The following TRPS1 variants were observed in gnomAD, a reference collection of about 807,000 sequenced individuals.
TRPS1 encodes zinc finger transcription factor Trps1.
In TRPS1, 6 loss-of-function variants were observed where a neutral mutation model predicts 101.2. The observed-to-expected ratio is 0.06, with a 90% CI of 0.03 to 0.12. TRPS1 has a LOEUF of 0.12. TRPS1 is among the 10% of genes least tolerant of loss of function. The probability of loss-of-function intolerance (pLI) is 1.00; values close to 1 mark genes in which losing one functional copy is unlikely to be tolerated. For synonymous variants in TRPS1, 578 were observed against 589.8 expected (o/e 0.98, Z 0.29); for missense variants, 1,363 against 1,567.0 (o/e 0.87, Z 2.20).
At chr8:115,520,385 T>TC (rs1815829027) in intron 5 of TRPS1, among the ~76,000 whole-genome samples, 1 of 151,784 alleles carries the variant, frequency 6.6e-6, no homozygotes, top group African/African-American at 2.4e-5. Flanking sequence ...TCAGCTCTTC[T>TC]CCCTATAACT....
intron 1 of TRPS1, among the ~76,000 whole-genome samples, chr8:115,634,000 C>A (rs953839039): frequency 2.7e-5 from 4 of 148,992 alleles, no homozygotes; most frequent in African/African-American, 1.0e-4. Context: ...GTACTAGCAA[C>A]TAACCAAAAC....
At chr8:115,457,184 T>C (rs968896515) in intron 5 of TRPS1, among the ~76,000 whole-genome samples, 4 of 152,184 alleles carry the variant, frequency 2.6e-5, no homozygotes, top group Non-Finnish European at 5.9e-5. Context: ...GTGGTTAATT[T>C]AGACTGATTA....
At chr8:115,470,770 A>T (rs995007938) in intron 5 of TRPS1, among the ~76,000 whole-genome samples, 6 of 152,234 alleles carry the variant, frequency 3.9e-5, no homozygotes, top group African/African-American at 1.4e-4. Flanking sequence ...TCAATGATTC[A>T]TATTCTCTAT....
chr8:115,414,857 G>A lies in TRPS1; in HGVS notation c.3051C>T (p.Tyr1017=), dbSNP rs140839419. 59 of 1,613,896 alleles carry A rather than the reference G, an allele frequency of 3.7e-5. No individual in the cohort carries two copies. The African/African-American group carries it at 3.9e-4, about 11-fold the overall frequency. The change falls in exon 7 of 7, where the codon TAC becomes TAT. Residue 1017 remains tyrosine, a synonymous_variant. Coordinates refer to ENST00000395715, the MANE Select transcript of TRPS1 (RefSeq NM_014112.5). This position sits in a 1 kb window ranked among gnomAD's most constrained non-coding sequence, Gnocchi z 4.8. ...REIPLPSLSK[Y]EAQGSLTKSH... ...TTTTAGTCAATGAACCCTGGGCTTC[G>A]TATTTACTTAGGCTGGGGAGTGGAA...
chr8:115,413,807 T>C lies in TRPS1; in HGVS notation c.*216A>G, dbSNP rs1488753425. The C allele has an allele frequency of 3.5e-6, 2 of 567,904 alleles. No individual in the cohort carries two copies. Among genetic ancestry groups the C allele is most frequent in the African/African-American group, 3.8e-5 (2 of 52,912 alleles). The allele number at this position is 567,904 out of a possible 1,614,324, so 35.2% of individuals were successfully genotyped here. A position where few individuals can be genotyped will look rare whatever the true frequency, so the allele number is the denominator to read the frequency against. On this transcript the variant is annotated 3_prime_UTR_variant, in exon 7 of 7. Coordinates refer to ENST00000395715, the MANE Select transcript of TRPS1 (RefSeq NM_014112.5). ...TAACAGGTTTTAAAAAGTGATTGTT[T>C]ACCATCTTCCATTCTTTCTCATTGA...
At chr8:115,475,968 T>C (rs1563758000) in intron 5 of TRPS1, among the ~76,000 whole-genome samples, 1 of 151,920 alleles carries the variant, frequency 6.6e-6, no homozygotes, top group South Asian at 2.1e-4. Flanking sequence ...ATATACAACA[T>C]GCTTTACCAA....
At chr8:115,478,866 T>A (rs1814678448) in intron 5 of TRPS1, among the ~76,000 whole-genome samples, 2 of 147,320 alleles carry the variant, frequency 1.4e-5, no homozygotes, top group Admixed American at 6.9e-5. Context: ...TATGTGTATA[T>A]ATGTGTAGAT....
chr8:115,541,341 A>G (rs1586383226), intron 5 of TRPS1, among the ~76,000 whole-genome samples: 1 of 151,932 alleles, frequency 6.6e-6, no homozygotes, highest in Non-Finnish European at 1.5e-5. Context: ...TTTCAACTCT[A>G]CCCTCCACTC....
intron 5 of TRPS1, among the ~76,000 whole-genome samples, chr8:115,479,046 C>T (rs1233600753): frequency 6.6e-6 from 1 of 151,160 alleles, no homozygotes; most frequent in Admixed American, 6.6e-5. Flanking sequence ...ATACTATGCA[C>T]AAGCCACGAG....
intron 5 of TRPS1, among the ~76,000 whole-genome samples, chr8:115,535,181 C>CAT (rs1816259396): frequency 7.2e-6 from 1 of 139,360 alleles, no homozygotes; most frequent in Non-Finnish European, 1.5e-5. Flanking sequence ...GCATATATAG[C>CAT]ATATGTATAG....
At chr8:115,513,394 C>T (rs772963400) in intron 5 of TRPS1, among the ~76,000 whole-genome samples, 1 of 151,550 alleles carries the variant, frequency 6.6e-6, no homozygotes. Flanking sequence ...CATTTGTGAA[C>T]GTGGTATGGT....
intron 5 of TRPS1, among the ~76,000 whole-genome samples, chr8:115,554,501 T>C (rs1160257629): frequency 6.6e-6 from 1 of 152,162 alleles, no homozygotes; most frequent in East Asian, 1.9e-4. Flanking sequence ...AATAAAATGA[T>C]TGATTCAGGG....
intron 5 of TRPS1, among the ~76,000 whole-genome samples, chr8:115,461,304 G>C (rs199804474): frequency 0.096 from 7,049 of 73,474 alleles, 299 homozygotes; most frequent in African/African-American, 0.36. Context: ...TAGATAGACA[G>C]ATACATACAT....
At chr8:115,528,837 C>A (rs1816062581) in intron 5 of TRPS1, among the ~76,000 whole-genome samples, 1 of 151,854 alleles carries the variant, frequency 6.6e-6, no homozygotes, top group Non-Finnish European at 1.5e-5. Context: ...TTATAAAGGA[C>A]AAATACTAAG....
chr8:115,613,308 G>C (rs1053997322), intron 3 of TRPS1, among the ~76,000 whole-genome samples: 2 of 152,098 alleles, frequency 1.3e-5, no homozygotes, highest in East Asian at 1.9e-4. Context: ...TACTGATTTC[G>C]AATAGAAGCT....
intron 5 of TRPS1, among the ~76,000 whole-genome samples, chr8:115,494,512 T>A (rs1364920348): frequency 1.3e-5 from 2 of 152,214 alleles, no homozygotes; most frequent in African/African-American, 4.8e-5. Context: ...AGAGAAAGAA[T>A]ATTTAAAACA....
intron 1 of TRPS1, among the ~76,000 whole-genome samples, chr8:115,658,994 C>T (rs1192273145): frequency 2.0e-5 from 3 of 151,942 alleles, no homozygotes; most frequent in African/African-American, 7.3e-5. Flanking sequence ...ATAATGAGGG[C>T]ATTCCTTCAA....
intron 5 of TRPS1, among the ~76,000 whole-genome samples, chr8:115,535,470 A>G (rs547935514): frequency 1.3e-5 from 2 of 148,974 alleles, no homozygotes; most frequent in Non-Finnish European, 3.0e-5. Context: ...TAGCATATAC[A>G]TATCACACAT....
intron 1 of TRPS1, among the ~76,000 whole-genome samples, chr8:115,646,324 T>C (rs2721962): frequency 6.6e-6 from 1 of 151,900 alleles, no homozygotes; most frequent in Admixed American, 6.5e-5. Flanking sequence ...ACAGAGCCAC[T>C]TCACAAAAAG....
Sources: gnomAD v4.1 joint callset for allele counts (sites outside exome capture counted in the v4.1 genomes callset) on GRCh38, gnomAD v4.1.1 for gene constraint, Gnocchi (gnomAD v3.1) non-coding constraint, MANE v1.5 for transcripts, NCBI Gene and HGNC (gene_info 2026-07-23, HGNC 2026-07-21) for gene names.